Variants in CNTNAP2 observed in about 807,000 individuals in gnomAD.
CNTNAP2 encodes contactin associated protein 2.
Under a neutral mutation model 155.2 loss-of-function variants are expected in CNTNAP2, and 98 were observed. That is an observed-to-expected ratio of 0.63 (90% CI 0.54 to 0.75). The LOEUF (loss-of-function observed/expected upper bound fraction) is 0.75. Ranked by LOEUF, CNTNAP2 falls within the 30% of genes least tolerant of loss-of-function variation. The probability of loss-of-function intolerance (pLI) is 0.00; values close to 1 mark genes in which losing one functional copy is unlikely to be tolerated. For missense variants in CNTNAP2, 1,727 were observed against 1,688.1 expected (o/e 1.02, Z -0.40); for synonymous variants, 651 against 631.2 (o/e 1.03, Z -0.47).
chr7:146,350,641 A>T (rs111275551), intron 1 of CNTNAP2, among the ~76,000 whole-genome samples: 12,641 of 151,968 alleles, frequency 0.083, 1,139 homozygotes, highest in African/African-American at 0.22. Context: ...GGGATCTAGA[A>T]CTATAAATAC....
At chr7:146,892,262 C>T (rs965596164) in intron 3 of CNTNAP2, among the ~76,000 whole-genome samples, 2 of 152,136 alleles carry the variant, frequency 1.3e-5, no homozygotes, top group Non-Finnish European at 2.9e-5. Flanking sequence ...GTTACTGAGA[C>T]TTTGACAGCA....
chr7:146,925,530 A>T (rs1224863282), intron 3 of CNTNAP2, among the ~76,000 whole-genome samples: 1 of 152,096 alleles, frequency 6.6e-6, no homozygotes, highest in Admixed American at 6.6e-5. Flanking sequence ...TTATGTTGTT[A>T]TGTTAATTAT....
chr7:146,707,927 G>T (rs1224580131), intron 1 of CNTNAP2, among the ~76,000 whole-genome samples: 1 of 152,012 alleles, frequency 6.6e-6, no homozygotes, highest in Non-Finnish European at 1.5e-5. Context: ...AATGCATGGA[G>T]TAGGAAATTC....
chr7:147,378,744 C>A (rs777195634), intron 9 of CNTNAP2, among the ~76,000 whole-genome samples: 2 of 152,172 alleles, frequency 1.3e-5, no homozygotes, highest in Middle Eastern at 3.4e-3. Flanking sequence ...TTAAAAATAA[C>A]TGAAAGAGTC....
At chr7:147,246,597 A>G (rs930164089) in intron 8 of CNTNAP2, among the ~76,000 whole-genome samples, 2 of 152,128 alleles carry the variant, frequency 1.3e-5, no homozygotes, top group Non-Finnish European at 2.9e-5. Flanking sequence ...TTCTGTTCTC[A>G]TAATCTAATC....
At chr7:146,269,881 C>T (rs1042308992) in intron 1 of CNTNAP2, among the ~76,000 whole-genome samples, 8 of 152,190 alleles carry the variant, frequency 5.3e-5, no homozygotes, top group Non-Finnish European at 1.0e-4. Flanking sequence ...GCAGACCTTT[C>T]TTAGGGAAGT....
chr7:148,188,131 G>A (rs1182626687), intron 18 of CNTNAP2, among the ~76,000 whole-genome samples: 1 of 152,168 alleles, frequency 6.6e-6, no homozygotes, highest in Non-Finnish European at 1.5e-5. Flanking sequence ...ATAGTTTAAG[G>A]AATGTGCTTG....
At chr7:147,407,933 G>A (rs1797037712) in intron 10 of CNTNAP2, among the ~76,000 whole-genome samples, 1 of 152,132 alleles carries the variant, frequency 6.6e-6, no homozygotes. Flanking sequence ...AGATAACCAT[G>A]TCCCATTTCT....
At chr7:147,999,908 C>A (rs1801868223) in intron 15 of CNTNAP2, among the ~76,000 whole-genome samples, 1 of 152,126 alleles carries the variant, frequency 6.6e-6, no homozygotes, top group South Asian at 2.1e-4. Flanking sequence ...AAGAAATGAG[C>A]CCTGCCAACT....
chr7:147,372,818 C>T (rs1279288518), intron 9 of CNTNAP2, among the ~76,000 whole-genome samples: 1 of 151,926 alleles, frequency 6.6e-6, no homozygotes, highest in Non-Finnish European at 1.5e-5. Context: ...AAGACTCCAC[C>T]TACCTGTGCA....
At chr7:146,390,156 T>C (rs1045905299) in intron 1 of CNTNAP2, among the ~76,000 whole-genome samples, 3 of 152,196 alleles carry the variant, frequency 2.0e-5, no homozygotes, top group Non-Finnish European at 4.4e-5. Context: ...TATTTTTAAA[T>C]TTACTTCTAG....
chr7:147,602,041 G>T (rs1047308175), intron 12 of CNTNAP2, among the ~76,000 whole-genome samples: 1 of 152,008 alleles, frequency 6.6e-6, no homozygotes, highest in South Asian at 2.1e-4. Flanking sequence ...TTTTATAATT[G>T]TTGCAGTATC....
chr7:148,236,189 C>A (rs1366197333), intron 20 of CNTNAP2, among the ~76,000 whole-genome samples: 1 of 152,166 alleles, frequency 6.6e-6, no homozygotes, highest in Non-Finnish European at 1.5e-5. Context: ...AGACATCAAT[C>A]TTAGACTTAC....
intron 21 of CNTNAP2, among the ~76,000 whole-genome samples, chr7:148,317,855 G>A (rs1008075144): frequency 3.3e-5 from 5 of 152,030 alleles, no homozygotes; most frequent in African/African-American, 4.8e-5. Flanking sequence ...CACCACGCCC[G>A]GCTAATTTTT....
At chr7:147,474,316 G>A (rs1394302283) in intron 10 of CNTNAP2, among the ~76,000 whole-genome samples, 1 of 151,928 alleles carries the variant, frequency 6.6e-6, no homozygotes, top group Non-Finnish European at 1.5e-5. Context: ...ATTCTTGGCC[G>A]GGCACGGTGG....
intron 1 of CNTNAP2, among the ~76,000 whole-genome samples, chr7:146,486,680 G>C (rs1478331783): frequency 1.3e-5 from 2 of 152,134 alleles, no homozygotes; most frequent in African/African-American, 2.4e-5. Flanking sequence ...ACTTTACGAT[G>C]ATAAATGTGA....
intron 9 of CNTNAP2, among the ~76,000 whole-genome samples, chr7:147,364,315 A>G (rs1218214752): frequency 6.6e-6 from 1 of 152,206 alleles, no homozygotes; most frequent in African/African-American, 2.4e-5. Context: ...TACACACTGA[A>G]CACTTAGAAA....
intron 1 of CNTNAP2, among the ~76,000 whole-genome samples, chr7:146,214,650 T>A (rs976703606): frequency 2.6e-5 from 4 of 152,222 alleles, no homozygotes; most frequent in Non-Finnish European, 5.9e-5. Context: ...AGTCATTAAA[T>A]GTATTGCTCA....
chr7:147,866,235 G>T lies in CNTNAP2; in HGVS notation c.2099-37330G>T, dbSNP rs867945536. Among the ~76,000 whole-genome samples, 21 of 152,182 alleles carry T rather than the reference G, an allele frequency of 1.4e-4. 1 individual carries two copies. The highest frequency in any genetic ancestry group is 1.4e-3 in the Admixed American group (21 of 15,264). ...AGTTTCCATGTAGTTGTGTGATTTT[G>T]AATGAGTTTCTTAATGCTGAGTTCT... On this transcript the variant is annotated intron_variant, in intron 13 of 23. Transcript: ENST00000361727.
Sources: allele counts gnomAD v4.1 joint callset (sites outside exome capture counted in the v4.1 genomes callset), GRCh38; gene constraint gnomAD v4.1.1; transcripts MANE v1.5; gene names NCBI Gene and HGNC (gene_info 2026-07-23, HGNC 2026-07-21).